The following TMEM245 variants were observed in gnomAD, a reference collection of about 807,000 sequenced individuals.
The protein encoded by TMEM245 is transmembrane protein 245, also known as protein CG-2.
Under a neutral mutation model 101.2 loss-of-function variants are expected in TMEM245, and 69 were observed. The observed-to-expected ratio is 0.68, with a 90% CI of 0.56 to 0.83. The LOEUF (loss-of-function observed/expected upper bound fraction) is 0.83. Ranked by LOEUF, TMEM245 falls within the 40% of genes least tolerant of loss-of-function variation. The probability of loss-of-function intolerance (pLI) is 0.00; values close to 1 mark genes in which losing one functional copy is unlikely to be tolerated. For synonymous variants in TMEM245, 537 were observed against 449.8 expected (o/e 1.19, Z -2.45); for missense variants, 1,075 against 1,092.8 (o/e 0.98, Z 0.23).
intron 17 of TMEM245, among the ~76,000 whole-genome samples, chr9:109,033,051 G>T (rs901735529): frequency 1.4e-4 from 21 of 152,234 alleles, no homozygotes; most frequent in Admixed American, 9.8e-4. Context: ...CACCTGCCTT[G>T]TTCTCCCAAA....
intron 17 of TMEM245, among the ~76,000 whole-genome samples, chr9:109,026,630 A>G (rs1016849844): frequency 6.6e-6 from 1 of 151,040 alleles, no homozygotes; most frequent in Admixed American, 6.6e-5. Context: ...GAAGGTGGAA[A>G]GCGGGTGGGA....
intron 14 of TMEM245, among the ~76,000 whole-genome samples, chr9:109,045,479 A>AGTAG (rs1286071238): frequency 6.6e-6 from 1 of 152,226 alleles, no homozygotes. Flanking sequence ...AGGCTATGGT[A>AGTAG]GTAGTAAATA....
At position 109,119,478 on chromosome 9, in the gene TMEM245, G is replaced by A. The variant is rs1830834797; in HGVS notation, c.436C>T (p.Arg146Cys). Residue 146 changes from arginine to cysteine, a missense_variant, in exon 1 of 18, where the codon CGC becomes TGC. Arg to Cys is a radical substitution (Grantham distance 180). Transcript: ENST00000374586. ...EALGEQALRR[R>C]RLLLLLGAGG... ...GCGCCGAGCAGCAGGAGCAGGCGGC[G>A]GCGGCGCAGCGCCTGCTCGCCCAGG... 6 of 1,487,448 alleles carry A rather than the reference G, an allele frequency of 4.0e-6. 1 individual carries two copies. Among genetic ancestry groups the A allele is most frequent in the South Asian group, 1.3e-5 (1 of 77,374 alleles). The allele number at this position is 1,487,448 out of a possible 1,614,324, so 92.1% of individuals were successfully genotyped here. A position where few individuals can be genotyped will look rare whatever the true frequency, so the allele number is the denominator to read the frequency against.
chr9:109,106,539 G>A lies in TMEM245; in HGVS notation c.768C>T (p.Leu256=). 1.2e-6 allele frequency: 2 copies of A among 1,609,584 alleles called. No individual in the cohort carries two copies. Among genetic ancestry groups the A allele is most frequent in the Non-Finnish European group, 8.5e-7 (1 of 1,177,312 alleles). Residue 256 remains leucine, a synonymous_variant, in exon 3 of 18, where the codon CTC becomes CTT. Transcript: ENST00000374586. ...VIVFLMSVGT[L]YEKQNGKESS... is the part of the protein sequence containing the mutation. ...ACTCTTTTCCATTCTGTTTTTCATA[G>A]AGGGTACCCACAGACATCAGGAAAA...
At chr9:109,085,606 C>T (rs950796292) in intron 7 of TMEM245, among the ~76,000 whole-genome samples, 18 of 152,222 alleles carry the variant, frequency 1.2e-4, no homozygotes, top group African/African-American at 3.9e-4. Context: ...ATTCCTGTGT[C>T]TTTTATAGAA....
chr9:109,066,464 A>AAG, intron 9 of TMEM245, among the ~76,000 whole-genome samples: 1 of 150,990 alleles, frequency 6.6e-6, no homozygotes. Context: ...AAAAAAAAAA[A>AAG]AAAAAAAAAA....
In TMEM245 at chr9:109,044,892, T is replaced by C. The variant is rs149019926; in HGVS notation, c.2123+5391A>G. On this transcript the variant is annotated intron_variant, in intron 14 of 17. Coordinates refer to ENST00000374586, the MANE Select transcript of TMEM245 (RefSeq NM_032012.4). Reference sequence around the variant, plus strand: ...CTCCCACCTGAGCCTCCCGAGTAGCTAGGACTACAGGTGCATGCCACCAAG... The same window carrying C: ...CTCCCACCTGAGCCTCCCGAGTAGCCAGGACTACAGGTGCATGCCACCAAG... 6.5e-3 allele frequency among the ~76,000 whole-genome samples: 989 copies of C among 151,690 alleles called. 17 individuals are homozygous for C. Among genetic ancestry groups the C allele is most frequent in the African/African-American group, 0.023 (945 of 41,366 alleles).
chr9:109,073,211 T>C, intron 9 of TMEM245, 145 bp downstream of exon 9: 1 of 655,458 alleles, frequency 1.5e-6, no homozygotes, highest in East Asian at 2.7e-5. Flanking sequence ...GACATTCTTC[T>C]TCAAAAATGA....
chr9:109,049,574 C>A (rs2132385261), intron 14 of TMEM245, among the ~76,000 whole-genome samples: 1 of 152,182 alleles, frequency 6.6e-6, no homozygotes, highest in African/African-American at 2.4e-5. Flanking sequence ...TGCCTGTAAT[C>A]CCAGTATTTT....
intron 9 of TMEM245, among the ~76,000 whole-genome samples, chr9:109,070,338 T>G (rs1177456168): frequency 6.6e-6 from 1 of 152,166 alleles, no homozygotes; most frequent in African/African-American, 2.4e-5. Context: ...GGGGAATTAG[T>G]TTCCCTACCA....
intron 17 of TMEM245, among the ~76,000 whole-genome samples, chr9:109,032,341 C>CATTTGGTT (rs1483563750): frequency 7.8e-6 from 1 of 128,098 alleles, no homozygotes; most frequent in Non-Finnish European, 1.6e-5. Flanking sequence ...TCATGCAATG[C>CATTTGGTT]ATTTGGTTGT....
At chr9:109,028,971 G>A (rs982009377) in intron 17 of TMEM245, among the ~76,000 whole-genome samples, 16 of 152,142 alleles carry the variant, frequency 1.1e-4, no homozygotes, top group African/African-American at 1.9e-4. Flanking sequence ...AAGCTGTATC[G>A]TAAATGTACG....
intron 7 of TMEM245, among the ~76,000 whole-genome samples, chr9:109,084,996 C>T (rs1285199768): frequency 6.6e-6 from 1 of 152,154 alleles, no homozygotes; most frequent in East Asian, 1.9e-4. Flanking sequence ...CTACATCTTT[C>T]TTAAGGCCTG....
chr9:109,072,045 G>A (rs1460591531), intron 9 of TMEM245, among the ~76,000 whole-genome samples: 1 of 152,188 alleles, frequency 6.6e-6, no homozygotes, highest in African/African-American at 2.4e-5. Context: ...ACATAGGTAT[G>A]TTCCACTAAA....
chr9:109,023,792 C>T (rs1483762270), intron 17 of TMEM245, among the ~76,000 whole-genome samples: 3 of 150,110 alleles, frequency 2.0e-5, no homozygotes, highest in Non-Finnish European at 3.0e-5. Flanking sequence ...GCCCAGATCG[C>T]GCCACTGCAC....
intron 14 of TMEM245, among the ~76,000 whole-genome samples, chr9:109,043,516 G>A (rs982973370): frequency 3.3e-5 from 5 of 152,044 alleles, no homozygotes; most frequent in East Asian, 1.9e-4. Context: ...TGGTTTTCTG[G>A]GACCTTTTTC....
At chr9:109,118,672 C>A (rs1830797915) in intron 1 of TMEM245, among the ~76,000 whole-genome samples, 1 of 152,202 alleles carries the variant, frequency 6.6e-6, no homozygotes, top group African/African-American at 2.4e-5. Context: ...GTACACCAGT[C>A]CCTGCACAAC....
chr9:109,059,867 G>A (rs1378898181), intron 11 of TMEM245, among the ~76,000 whole-genome samples: 1 of 151,910 alleles, frequency 6.6e-6, no homozygotes, highest in Admixed American at 6.6e-5. Flanking sequence ...AAACTGAGAT[G>A]TGCTGCTGGT....
chr9:109,096,709 T>A (rs962724904), intron 3 of TMEM245, among the ~76,000 whole-genome samples: 1 of 152,182 alleles, frequency 6.6e-6, no homozygotes, highest in Non-Finnish European at 1.5e-5. Flanking sequence ...TTTTAAAAAT[T>A]AAGAATTCTC....
Sources: allele counts gnomAD v4.1 joint callset (sites outside exome capture counted in the v4.1 genomes callset), GRCh38; gene constraint gnomAD v4.1.1; transcripts MANE v1.5; gene names NCBI Gene and HGNC (gene_info 2026-07-23, HGNC 2026-07-21).